Variants in RALYL observed in about 807,000 individuals in gnomAD.
RALYL encodes RALY RNA binding protein like.
Under a neutral mutation model 35.1 loss-of-function variants are expected in RALYL, and 29 were observed. That is an observed-to-expected ratio of 0.83 (90% CI 0.61 to 1.13). RALYL has a LOEUF of 1.13. Among genes scored for constraint, RALYL ranks in the 50% most tolerant of loss-of-function variants. The probability of loss-of-function intolerance (pLI) is 0.00; values close to 1 mark genes in which losing one functional copy is unlikely to be tolerated. For missense variants in RALYL, 359 were observed against 360.4 expected (o/e 1.00, Z 0.03); for synonymous variants, 120 against 127.6 (o/e 0.94, Z 0.40).
intron 1 of RALYL, among the ~76,000 whole-genome samples, chr8:84,469,908 G>T (rs1026672066): frequency 3.3e-4 from 51 of 152,306 alleles, no homozygotes; most frequent in African/African-American, 1.2e-3. Flanking sequence ...TTTTCCAGGT[G>T]CCGTCTGTCA....
chr8:84,821,242 A>C (rs6981451), intron 4 of RALYL, among the ~76,000 whole-genome samples: 2,065 of 152,296 alleles, frequency 0.014, 48 homozygotes, highest in African/African-American at 0.047. Flanking sequence ...TCTTCAATGA[A>C]TCTTTACTGA....
At chr8:84,873,509 CAGATGTG>C in intron 7 of RALYL, 112 bp downstream of exon 7, 1 of 531,602 alleles carries the variant, frequency 1.9e-6, no homozygotes, top group African/African-American at 1.9e-5. Context: ...GTGTTTAATA[CAGATGTG>C]CCAACAATGT....
At chr8:84,703,785 T>C (rs1479825654) in intron 2 of RALYL, among the ~76,000 whole-genome samples, 1 of 152,210 alleles carries the variant, frequency 6.6e-6, no homozygotes, top group African/African-American at 2.4e-5. Flanking sequence ...GCCACAGTTT[T>C]CGTGCCTTGT....
At chr8:84,688,363 A>G (rs1837276619) in intron 2 of RALYL, among the ~76,000 whole-genome samples, 1 of 152,078 alleles carries the variant, frequency 6.6e-6, no homozygotes, top group South Asian at 2.1e-4. Flanking sequence ...AAACAGCCTG[A>G]TGCTGGCATA....
At chr8:84,412,379 C>T (rs1005822103) in intron 1 of RALYL, among the ~76,000 whole-genome samples, 14 of 151,856 alleles carry the variant, frequency 9.2e-5, no homozygotes, top group Admixed American at 9.2e-4. Context: ...TGATAAAAGC[C>T]AAAGTGTTAT....
chr8:84,688,467 G>A (rs1837299470), intron 2 of RALYL, among the ~76,000 whole-genome samples: 2 of 152,068 alleles, frequency 1.3e-5, no homozygotes, highest in Admixed American at 6.6e-5. Context: ...AACACACAAT[G>A]GGGAAAGGAA....
intron 2 of RALYL, among the ~76,000 whole-genome samples, chr8:84,739,079 G>A (rs1847829789): frequency 6.6e-6 from 1 of 151,906 alleles, no homozygotes; most frequent in South Asian, 2.1e-4. Context: ...ATTAATTAAT[G>A]TGTCCATGAT....
chr8:84,810,404 G>A (rs1360155509), intron 4 of RALYL, among the ~76,000 whole-genome samples: 1 of 152,024 alleles, frequency 6.6e-6, no homozygotes, highest in Non-Finnish European at 1.5e-5. Flanking sequence ...ATGGCCTATT[G>A]TATGGCCTAT....
chr8:84,569,784 C>T (rs1241407658), intron 2 of RALYL, among the ~76,000 whole-genome samples: 1 of 151,654 alleles, frequency 6.6e-6, no homozygotes, highest in East Asian at 1.9e-4. Context: ...GACAGGAGTC[C>T]AGTTTCATTT....
intron 4 of RALYL, among the ~76,000 whole-genome samples, chr8:84,837,832 A>G (rs528761156): frequency 1.4e-4 from 21 of 152,232 alleles, no homozygotes; most frequent in Non-Finnish European, 2.6e-4. Context: ...TGCACTAAAC[A>G]TTCAAAACCA....
At chr8:84,426,434 C>CTG (rs1310031203) in intron 1 of RALYL, among the ~76,000 whole-genome samples, 42 of 64,740 alleles carry the variant, frequency 6.5e-4, no homozygotes, top group Admixed American at 2.1e-3. Flanking sequence ...TTCTCTCTCT[C>CTG]TCTCTGTGTG....
rs542667389 is a variant in RALYL at position 84,272,359 on chromosome 8, G to A, written c.-24+87935G>A. Among the ~76,000 whole-genome samples, 25 of 152,290 alleles carry A rather than the reference G, an allele frequency of 1.6e-4. No homozygotes were observed. The East Asian group carries it at 4.4e-3, about 27-fold the overall frequency. On this transcript the variant is annotated intron_variant, in intron 1 of 8. Transcript: ENST00000521268. ...TCCACCCACCTGAGTCTCCCAAAGTGCTGGGATTACAGGCGTAAGCCACCG... is the reference window on the plus strand; with the variant it reads ...TCCACCCACCTGAGTCTCCCAAAGTACTGGGATTACAGGCGTAAGCCACCG...
chr8:84,818,010 A>G (rs1295114577), intron 4 of RALYL, among the ~76,000 whole-genome samples: 1 of 152,264 alleles, frequency 6.6e-6, no homozygotes. Context: ...ATGTTAACCA[A>G]TTGAATCCAA....
At chr8:84,644,271 C>T (rs1210880503) in intron 2 of RALYL, among the ~76,000 whole-genome samples, 2 of 151,938 alleles carry the variant, frequency 1.3e-5, no homozygotes, top group Non-Finnish European at 2.9e-5. Context: ...TAGCCTAAAA[C>T]AATGACATTA....
intron 2 of RALYL, among the ~76,000 whole-genome samples, chr8:84,612,632 G>A (rs1036037564): frequency 6.6e-6 from 1 of 151,634 alleles, no homozygotes; most frequent in Non-Finnish European, 1.5e-5. Flanking sequence ...TCTTTTATGT[G>A]AGATATGTAA....
chr8:84,398,341 C>T (rs1454646130), intron 1 of RALYL, among the ~76,000 whole-genome samples: 1 of 151,668 alleles, frequency 6.6e-6, no homozygotes, highest in Non-Finnish European at 1.5e-5. Context: ...CATTATTAAT[C>T]TCTTTTTTTC....
At chr8:84,812,401 G>T (rs1264903362) in intron 4 of RALYL, among the ~76,000 whole-genome samples, 1 of 152,112 alleles carries the variant, frequency 6.6e-6, no homozygotes, top group East Asian at 1.9e-4. Context: ...TTTTGTGCGG[G>T]TTGGCCTTCT....
intron 1 of RALYL, among the ~76,000 whole-genome samples, chr8:84,441,130 T>C (rs1178684839): frequency 6.6e-6 from 1 of 152,118 alleles, no homozygotes; most frequent in East Asian, 1.9e-4. Flanking sequence ...TAAAGCATAT[T>C]AATGTATAAA....
At chr8:84,698,355 T>C (rs1340293445) in intron 2 of RALYL, among the ~76,000 whole-genome samples, 1 of 152,170 alleles carries the variant, frequency 6.6e-6, no homozygotes, top group Non-Finnish European at 1.5e-5. Context: ...ATTTAATTCA[T>C]TGCTTACATT....
Sources: allele counts gnomAD v4.1 joint callset (sites outside exome capture counted in the v4.1 genomes callset), GRCh38; gene constraint gnomAD v4.1.1; transcripts MANE v1.5; gene names NCBI Gene and HGNC (gene_info 2026-07-23, HGNC 2026-07-21).